Variants in ERGIC2 observed in about 807,000 individuals in gnomAD.
ERGIC2 encodes the protein endoplasmic reticulum-Golgi intermediate compartment protein 2.
In ERGIC2, 31 loss-of-function variants were observed where a neutral mutation model predicts 52.5. That is an observed-to-expected ratio of 0.59 (90% confidence interval 0.44 to 0.80). ERGIC2 has a LOEUF of 0.80. Ranked by LOEUF, ERGIC2 falls within the 30% of genes least tolerant of loss-of-function variation. The probability of loss-of-function intolerance (pLI) is 0.00; values close to 1 mark genes in which losing one functional copy is unlikely to be tolerated. For synonymous variants in ERGIC2, 129 were observed against 140.6 expected, an observed-to-expected ratio of 0.92 and a Z score of 0.58; for missense variants, 395 against 455.2, an observed-to-expected ratio of 0.87 and a Z score of 1.20.
intron 11 of ERGIC2, among the ~76,000 whole-genome samples, chr12:29,343,883 G>C (rs1949857935): frequency 6.6e-6 from 1 of 151,964 alleles, no homozygotes; most frequent in Non-Finnish European, 1.5e-5. Context: ...ATTCACTTTG[G>C]GTTCCAGGAC....
chr12:29,376,494 C>G (rs768166612), intron 1 of ERGIC2, among the ~76,000 whole-genome samples: 6 of 152,244 alleles, frequency 3.9e-5, no homozygotes, highest in African/African-American at 1.4e-4. Flanking sequence ...ACCATGTAAG[C>G]TTAACAGCGC....
At chr12:29,341,309 C>A in intron 13 of ERGIC2, 91 bp from the exon 14 acceptor site, 1 of 968,816 alleles carries the variant, frequency 1.0e-6, no homozygotes. Context: ...TTTGGGCAAT[C>A]CTTTCTAGTA....
intron 5 of ERGIC2, among the ~76,000 whole-genome samples, chr12:29,366,384 G>T (rs932717174): frequency 6.6e-6 from 1 of 151,890 alleles, no homozygotes; most frequent in African/African-American, 2.4e-5. Context: ...AAATAGAGGC[G>T]TAAAGGAGGA....
intron 7 of ERGIC2, 23 bp from the exon 8 acceptor site, chr12:29,356,500 T>A (rs760280959): frequency 3.8e-6 from 5 of 1,308,758 alleles, no homozygotes; most frequent in South Asian, 3.6e-5. Flanking sequence ...GATATATTAT[T>A]TAAAGCACAT....
intron 9 of ERGIC2, 148 bp from the exon 10 acceptor site, chr12:29,349,325 C>A: frequency 2.5e-6 from 1 of 404,470 alleles, no homozygotes; most frequent in Non-Finnish European, 4.5e-6. Flanking sequence ...AGCCACAATA[C>A]TTTGAGAAAA....
chr12:29,359,848 T>G (rs1591993896), intron 6 of ERGIC2, among the ~76,000 whole-genome samples: 1 of 151,646 alleles, frequency 6.6e-6, no homozygotes, highest in Admixed American at 6.6e-5. Context: ...ACCTAGAAAA[T>G]AAAAAGCAAT....
rs780263740 is a variant in ERGIC2, at chr12:29,370,205, T to A, written c.124A>T (p.Thr42Ser). Residue 42 changes from threonine to serine, a missense_variant, in exon 3 of 14, where the codon ACA (threonine) becomes TCA (serine). Coordinates refer to ENST00000360150, the MANE Select transcript of ERGIC2 (RefSeq NM_016570.3). Reference protein sequence around the residue: ...SGGTVSLIAFTTMALLTIMEF... With the variant: ...SGGTVSLIAFSTMALLTIMEF... Reference sequence around the variant, plus strand: ...ATTATGGTTAATAAAGCCATAGTTGTAAATGCTATTAGAGAAACTGGGAAA... The same window carrying A: ...ATTATGGTTAATAAAGCCATAGTTGAAAATGCTATTAGAGAAACTGGGAAA... 6.5e-6 allele frequency: 10 copies of A among 1,545,952 alleles called. No homozygotes were observed. The South Asian group carries it at 1.3e-4, about 20-fold the overall frequency.
At chr12:29,366,486 A>T (rs1238053791) in intron 5 of ERGIC2, among the ~76,000 whole-genome samples, 1 of 151,952 alleles carries the variant, frequency 6.6e-6, no homozygotes, top group Non-Finnish European at 1.5e-5. Flanking sequence ...TATTTTAAAT[A>T]CTTAAATTTG....
At chr12:29,360,579 G>C (rs1027609270) in intron 6 of ERGIC2, among the ~76,000 whole-genome samples, 12 of 146,710 alleles carry the variant, frequency 8.2e-5, no homozygotes, top group Non-Finnish European at 1.5e-4. Flanking sequence ...ACTCATATAT[G>C]ATATACAAGA....
chr12:29,380,914 G>A (rs545262666), intron 1 of ERGIC2: 6 of 152,418 alleles, frequency 3.9e-5, no homozygotes, highest in South Asian at 2.1e-4. Context: ...GAAGCTCCCA[G>A]TAGCATCGTT....
intron 11 of ERGIC2, among the ~76,000 whole-genome samples, chr12:29,343,537 G>A (rs1342833664): frequency 2.6e-5 from 4 of 152,152 alleles, no homozygotes; most frequent in Admixed American, 6.5e-5. Context: ...GGTCACCTTA[G>A]ATACAAGTTT....
At chr12:29,362,595 CAA>C (rs11289079) in intron 5 of ERGIC2, among the ~76,000 whole-genome samples, 16 of 137,194 alleles carry the variant, frequency 1.2e-4, no homozygotes, top group East Asian at 6.4e-4. Context: ...AACTCCGTTT[CAA>C]AAAAAAAAAA....
chr12:29,368,543 A>G (rs1002045376), intron 3 of ERGIC2, among the ~76,000 whole-genome samples: 27 of 151,876 alleles, frequency 1.8e-4, no homozygotes. Context: ...TCTATAATCA[A>G]TAACTCTAAG....
intron 11 of ERGIC2, among the ~76,000 whole-genome samples, chr12:29,344,685 C>A (rs1283950343): frequency 6.6e-6 from 1 of 151,652 alleles, no homozygotes; most frequent in Non-Finnish European, 1.5e-5. Flanking sequence ...AAAAATTCCA[C>A]AATTATTGAG....
In ERGIC2 at chr12:29,370,114, C is replaced by T; in HGVS notation, c.215G>A (p.Ser72Asn). Reference sequence around the variant, plus strand: ...TTCCAAGAAGAAAAAAAATGATTACCTAGAAAAATCCTTGTCTACTTCGTA... The same window carrying T: ...TTCCAAGAAGAAAAAAAATGATTACTTAGAAAAATCCTTGTCTACTTCGTA... ...YEYEVDKDFSSKLRINIDITV... is the reference protein window; with the variant it reads ...YEYEVDKDFSNKLRINIDITV... Residue 72 changes from serine (S) to asparagine (N), a missense_variant and splice_region_variant, in exon 3 of 14, where the codon AGC (serine) becomes AAC (asparagine). By Grantham distance (46) the Ser-to-Asn change is conservative. Coordinates refer to ENST00000360150, the MANE Select transcript of ERGIC2 (RefSeq NM_016570.3). The T allele has an allele frequency of 6.7e-7, 1 of 1,498,184 alleles. No individual in the cohort carries two copies. The highest frequency in any genetic ancestry group is 8.8e-7 in the Non-Finnish European group (1 of 1,134,442). 92.8% of individuals were successfully genotyped at this position (1,498,184 alleles called of 1,614,324 possible).
chr12:29,352,582 T>C (rs548485816), intron 8 of ERGIC2, among the ~76,000 whole-genome samples: 2 of 152,308 alleles, frequency 1.3e-5, no homozygotes, highest in South Asian at 2.1e-4. Context: ...GAGAATCACT[T>C]GAACCTGGGA....
intron 1 of ERGIC2, among the ~76,000 whole-genome samples, chr12:29,373,822 C>A (rs181401787): frequency 6.6e-6 from 1 of 152,274 alleles, no homozygotes. Context: ...CTGACCCCCA[C>A]GTCAGTTATA....
chr12:29,356,608 A>G, intron 7 of ERGIC2, 131 bp from the exon 8 acceptor site: 4 of 510,166 alleles, frequency 7.8e-6, no homozygotes. Flanking sequence ...TAAAAATAGA[A>G]TAGTTTCCTG....
Position 29,341,025 on chromosome 12 carries a change from T to TC in ERGIC2, c.*130dup. The TC allele has an allele frequency of 1.4e-6, 1 of 719,990 alleles. No homozygotes were observed. Among genetic ancestry groups the TC allele is most frequent in the South Asian group, 1.7e-5 (1 of 57,678 alleles). The allele number at this position is 719,990 out of a possible 1,614,324, so 44.6% of individuals were successfully genotyped here. Reference sequence around the variant, plus strand: ...GTTTGGGTTTTTTTATCCTTTTTTTTCTTTTTTAAAATAAGTATGTTTTCT... The same window carrying TC: ...GTTTGGGTTTTTTTATCCTTTTTTTTCCTTTTTTAAAATAAGTATGTTTTCT... On this transcript the variant is annotated 3_prime_UTR_variant, in exon 14 of 14. Coordinates refer to ENST00000360150, the MANE Select transcript of ERGIC2 (RefSeq NM_016570.3).
Sources: gnomAD v4.1 joint callset for allele counts (sites outside exome capture counted in the v4.1 genomes callset) on GRCh38, gnomAD v4.1.1 for gene constraint, MANE v1.5 for transcripts, NCBI Gene and HGNC (gene_info 2026-07-23, HGNC 2026-07-21) for gene names.